PTPN9: variants seen among roughly 807,000 people sequenced by gnomAD.
PTPN9 encodes the protein protein tyrosine phosphatase non-receptor type 9, also known as tyrosine-protein phosphatase non-receptor type 9.
PTPN9 carries 26 observed loss-of-function variants against 69.8 expected under a neutral mutation model. The observed-to-expected ratio is 0.37, with a 90% CI of 0.27 to 0.52. The LOEUF (loss-of-function observed/expected upper bound fraction) is 0.52, where lower values mean the gene tolerates loss of function less well. PTPN9 is among the 20% of genes least tolerant of loss of function. PTPN9 has a pLI of 0.91. For synonymous variants in PTPN9, 274 were observed against 272.5 expected, an observed-to-expected ratio of 1.01 and a Z score of -0.05; for missense variants, 549 against 740.3, an observed-to-expected ratio of 0.74 and a Z score of 3.00.
At chr15:75,504,095 G>A (rs1308410320) in intron 7 of PTPN9, among the ~76,000 whole-genome samples, 2 of 89,074 alleles carry the variant, frequency 2.2e-5, no homozygotes, top group Admixed American at 1.1e-4. Context: ...TCAGCACCCC[G>A]CCCGGACAGC....
chr15:75,560,226 A>C (rs540129489), intron 1 of PTPN9, among the ~76,000 whole-genome samples: 1 of 152,284 alleles, frequency 6.6e-6, no homozygotes, highest in East Asian at 1.9e-4. Flanking sequence ...ACTGGCATTC[A>C]GTTTCCGGAA....
At chr15:75,531,535 T>G (rs1269119119) in intron 1 of PTPN9, among the ~76,000 whole-genome samples, 1 of 151,910 alleles carries the variant, frequency 6.6e-6, no homozygotes, top group Non-Finnish European at 1.5e-5. Flanking sequence ...AGCCAGTCAG[T>G]AAATTCCCCA....
At position 75,530,750 on chromosome 15, in the gene PTPN9, A is replaced by G. The variant is rs1415096345; in HGVS notation, c.64-3489T>C. Among the ~76,000 whole-genome samples, 3 of 78,980 alleles carry G rather than the reference A, an allele frequency of 3.8e-5. No homozygotes were observed. The East Asian group carries it at 9.8e-4, about 26-fold the overall frequency. The allele number at this position is 78,980 out of a possible 152,430, so 51.8% of individuals were successfully genotyped here. A position where few individuals can be genotyped will look rare whatever the true frequency, so the allele number is the denominator to read the frequency against. On this transcript the variant is annotated intron_variant, in intron 1 of 12. Transcript: ENST00000618819. ...TAATATATATTATTATATAATATAT[A>G]TAATATAATATATTATTATAATTAT...
chr15:75,539,019 AAAG>A (rs2074996965), intron 1 of PTPN9, among the ~76,000 whole-genome samples: 2 of 148,656 alleles, frequency 1.3e-5, no homozygotes, highest in Non-Finnish European at 3.0e-5. Context: ...AAAAAATAAA[AAAG>A]AAAGAAAGAA....
intron 1 of PTPN9, among the ~76,000 whole-genome samples, chr15:75,561,681 T>C (rs1411470838): frequency 6.6e-6 from 1 of 152,070 alleles, no homozygotes; most frequent in Non-Finnish European, 1.5e-5. Context: ...TGTGCCACCA[T>C]GCCCGGCTAA....
chr15:75,553,251 A>G (rs544647234), intron 1 of PTPN9, among the ~76,000 whole-genome samples: 2 of 152,328 alleles, frequency 1.3e-5, no homozygotes, highest in African/African-American at 4.8e-5. Context: ...ACAGGAGTAC[A>G]TAAGAAAAGA....
Position 75,578,798 on chromosome 15 carries a change from C to T in PTPN9, c.-22G>A. 4 of 1,227,686 alleles carry T rather than the reference C, an allele frequency of 3.3e-6. No individual in the cohort carries two copies. The highest frequency in any genetic ancestry group is 3.0e-6 in the Non-Finnish European group (3 of 985,164). 76.0% of individuals were successfully genotyped at this position (1,227,686 alleles called of 1,614,324 possible). The stretch of plus-strand genomic sequence containing the variant: ...CCATCCCCCCGCCACCGCCGCCGGG[C>T]GGACAAAACTCGCTCGCGAGCGCGG... On this transcript the variant is annotated 5_prime_UTR_variant, in exon 1 of 13. Coordinates refer to ENST00000618819, the MANE Select transcript of PTPN9 (RefSeq NM_002833.4).
chr15:75,546,478 C>T (rs2075033543), intron 1 of PTPN9, among the ~76,000 whole-genome samples: 1 of 151,978 alleles, frequency 6.6e-6, no homozygotes, highest in Non-Finnish European at 1.5e-5. Context: ...CCCATCTCTA[C>T]TAAAAGCATA....
Position 75,578,997 on chromosome 15 carries a change from T to A in PTPN9, c.-221A>T, listed in dbSNP as rs2141349652. 2 of 276,292 alleles carry A rather than the reference T, an allele frequency of 7.2e-6. No homozygotes were observed. The highest frequency in any genetic ancestry group is 1.3e-5 in the Non-Finnish European group (2 of 148,790). 17.1% of individuals were successfully genotyped at this position (276,292 alleles called of 1,614,324 possible). A position where few individuals can be genotyped will look rare whatever the true frequency, so the allele number is the denominator to read the frequency against. On this transcript the variant is annotated 5_prime_UTR_variant, in exon 1 of 13. Transcript: ENST00000618819. ...CGCTCTCTTCCGGGAGGAAATCCTT[T>A]TTTATATTATTCGCTCCGTTCCTCA...
At position 75,467,161 on chromosome 15, in the gene PTPN9, CTG is replaced by C. The variant is rs1326202862; in HGVS notation, c.*1606_*1607del. On this transcript the variant is annotated 3_prime_UTR_variant, in exon 13 of 13. Transcript: ENST00000618819. ...GGTATATTTATATGTAAATACAAAA[CTG>C]TATCACTGTAAGATATTGAATATGA... 1 of 152,546 alleles carries C rather than the reference CTG, an allele frequency of 6.6e-6. No individual in the cohort carries two copies. The highest frequency in any genetic ancestry group is 2.4e-5 in the African/African-American group (1 of 41,394). 9.4% of individuals were successfully genotyped at this position (152,546 alleles called of 1,614,324 possible).
chr15:75,484,557 A>G (rs986982454), intron 8 of PTPN9, among the ~76,000 whole-genome samples: 11 of 152,206 alleles, frequency 7.2e-5, no homozygotes, highest in Non-Finnish European at 1.6e-4. Flanking sequence ...ATCATTTTTT[A>G]TAAATACCTA....
At chr15:75,479,965 G>T in intron 8 of PTPN9, 51 bp from the exon 9 acceptor site, 1 of 1,301,864 alleles carries the variant, frequency 7.7e-7, no homozygotes. Flanking sequence ...ACACCATTTG[G>T]GTCATAAAAT....
At position 75,551,246 on chromosome 15, in the gene PTPN9, G is replaced by A. The variant is rs535904675; in HGVS notation, c.64-23985C>T. 1.7e-3 allele frequency among the ~76,000 whole-genome samples: 259 copies of A among 152,028 alleles called. 2 individuals carry two copies. The highest frequency in any genetic ancestry group is 6.1e-3 in the African/African-American group (251 of 41,470). ...CAACCACCCTGCCGAGGGCTGTTAA[G>A]ACATTTTAAATATGAGGAAATGAAG... is the stretch of plus-strand genomic sequence containing the variant. On this transcript the variant is annotated intron_variant, in intron 1 of 12. Transcript: ENST00000618819.
At chr15:75,559,313 G>C (rs543848204) in intron 1 of PTPN9, among the ~76,000 whole-genome samples, 4 of 152,204 alleles carry the variant, frequency 2.6e-5, no homozygotes, top group Admixed American at 6.5e-5. Flanking sequence ...CGACGATGGC[G>C]GTTTTGTCGA....
At chr15:75,496,641 C>T (rs2074743989) in intron 7 of PTPN9, among the ~76,000 whole-genome samples, 1 of 151,758 alleles carries the variant, frequency 6.6e-6, no homozygotes, top group Non-Finnish European at 1.5e-5. Flanking sequence ...GGATTACAAA[C>T]ACACGCCACC....
chr15:75,573,352 C>G (rs2075157585), intron 1 of PTPN9, among the ~76,000 whole-genome samples: 1 of 152,148 alleles, frequency 6.6e-6, no homozygotes, highest in African/African-American at 2.4e-5. Context: ...TTCATATAAG[C>G]TCCTTAAAAG....
intron 10 of PTPN9, 67 bp downstream of exon 10, chr15:75,473,622 T>G (rs1355989893): frequency 1.5e-6 from 2 of 1,324,800 alleles, no homozygotes; most frequent in East Asian, 4.6e-5. Context: ...TAAACTTCCC[T>G]CTTTAATCAC....
chr15:75,577,903 A>G (rs924979206), intron 1 of PTPN9, among the ~76,000 whole-genome samples: 1 of 152,198 alleles, frequency 6.6e-6, no homozygotes, highest in African/African-American at 2.4e-5. Context: ...AGACCTTCCC[A>G]TCTTCCTCAG....
chr15:75,499,970 G>C (rs956158521), intron 7 of PTPN9, among the ~76,000 whole-genome samples: 9 of 152,066 alleles, frequency 5.9e-5, no homozygotes, highest in African/African-American at 2.2e-4. Flanking sequence ...TTGAGGTCAG[G>C]AGTTCGAGAT....
Sources: allele counts gnomAD v4.1 joint callset (sites outside exome capture counted in the v4.1 genomes callset), GRCh38; gene constraint gnomAD v4.1.1; transcripts MANE v1.5; gene names NCBI Gene and HGNC (gene_info 2026-07-23, HGNC 2026-07-21).